The following ENPP6 variants were observed in gnomAD, a reference collection of about 807,000 sequenced individuals.
ENPP6 encodes glycerophosphocholine cholinephosphodiesterase ENPP6.
Under a neutral mutation model 42.0 loss-of-function variants are expected in ENPP6, and 32 were observed. The ratio of observed to expected loss-of-function variants is 0.76; its 90% CI spans 0.58 to 1.02. The LOEUF is 1.02. Ranked by LOEUF, ENPP6 falls within the 50% of genes least tolerant of loss-of-function variation. The probability of loss-of-function intolerance (pLI) is 0.00; values close to 1 mark genes in which losing one functional copy is unlikely to be tolerated. For synonymous variants in ENPP6, 213 were observed against 216.0 expected (o/e 0.99, Z 0.12); for missense variants, 552 against 566.8 (o/e 0.97, Z 0.27).
At chr4:184,160,540 G>A (rs1182441495) in intron 1 of ENPP6, among the ~76,000 whole-genome samples, 5 of 152,052 alleles carry the variant, frequency 3.3e-5, no homozygotes, top group East Asian at 1.9e-4. Flanking sequence ...TCAGTTTTGC[G>A]CATATCTGAA....
At chr4:184,202,268 CAGA>C (rs771969910) in intron 1 of ENPP6, among the ~76,000 whole-genome samples, 1 of 152,226 alleles carries the variant, frequency 6.6e-6, no homozygotes, top group Non-Finnish European at 1.5e-5. Context: ...ACTCAGACTT[CAGA>C]AGATCTTGCA....
chr4:184,217,312 A>G (rs980163134), intron 1 of ENPP6, among the ~76,000 whole-genome samples: 1 of 152,220 alleles, frequency 6.6e-6, no homozygotes, highest in African/African-American at 2.4e-5. Context: ...CACTTTTAAT[A>G]TCGTCAAATA....
rs1376241759 is a variant in ENPP6, at chr4:184,122,084, C to A, written c.533+2077G>T. Among the ~76,000 whole-genome samples the A allele has an allele frequency of 2.0e-5, 3 of 152,140 alleles. No homozygotes were observed. The South Asian group carries it at 6.2e-4, about 31-fold the overall frequency. On this transcript the variant is annotated intron_variant, in intron 3 of 7. Transcript: ENST00000296741. ...GGTCTCCATCTTTCCACCTACTACC[C>A]AAAGGGGCTGTTTCTGGTGGCCCTG... is the stretch of plus-strand genomic sequence containing the variant.
In ENPP6 at chr4:184,152,145, G is replaced by A. The variant is rs145973263; in HGVS notation, c.421+1409C>T. ...CCTTCAGAAGCTCACCTGCGGGTGAGGCCACTGCTCTGCAGCAGCTTGTAC... is the reference window on the plus strand; with the variant it reads ...CCTTCAGAAGCTCACCTGCGGGTGAAGCCACTGCTCTGCAGCAGCTTGTAC... On this transcript the variant is annotated intron_variant, in intron 2 of 7. Coordinates refer to ENST00000296741, the MANE Select transcript of ENPP6 (RefSeq NM_153343.4). Among the ~76,000 whole-genome samples, 177 of 152,300 alleles carry A rather than the reference G, an allele frequency of 1.2e-3. 1 individual carries two copies. The highest frequency in any genetic ancestry group is 4.2e-3 in the African/African-American group (175 of 41,550).
rs1033036243 is a variant in ENPP6, at chr4:184,089,353, T to G, written c.*1824A>C. 2 of 152,206 alleles carry G rather than the reference T, an allele frequency of 1.3e-5. No individual in the cohort carries two copies. The highest frequency in any genetic ancestry group is 2.9e-5 in the Non-Finnish European group (2 of 68,052). 9.4% of individuals were successfully genotyped at this position (152,206 alleles called of 1,614,324 possible). ...TCAAGGTGAACGTTGATATTCAGTT[T>G]TCAAGGTAACACACCATATAAGGCC... is the stretch of plus-strand genomic sequence containing the variant. On this transcript the variant is annotated 3_prime_UTR_variant, in exon 8 of 8. Transcript: ENST00000296741.
chr4:184,214,021 A>G (rs1244966361), intron 1 of ENPP6, among the ~76,000 whole-genome samples: 2 of 134,326 alleles, frequency 1.5e-5, no homozygotes, highest in Admixed American at 7.8e-5. Flanking sequence ...ATTCTCACTC[A>G]TAGGTGGGAA....
intron 2 of ENPP6, among the ~76,000 whole-genome samples, chr4:184,128,268 C>T (rs993744207): frequency 6.6e-6 from 1 of 152,186 alleles, no homozygotes; most frequent in African/African-American, 2.4e-5. Flanking sequence ...GCAACTTCCA[C>T]CTCCCGGGTT....
At chr4:184,107,725 T>C (rs958881830) in intron 6 of ENPP6, among the ~76,000 whole-genome samples, 16 of 151,984 alleles carry the variant, frequency 1.1e-4, no homozygotes, top group Non-Finnish European at 1.8e-4. Flanking sequence ...AACATCCTGG[T>C]TAACACAGTG....
intron 2 of ENPP6, among the ~76,000 whole-genome samples, chr4:184,129,400 TA>T (rs1157120374): frequency 5.5e-4 from 83 of 152,162 alleles, no homozygotes; most frequent in African/African-American, 1.8e-3. Flanking sequence ...TCTGTGTTTT[TA>T]AAAAAATGCT....
At chr4:184,195,690 T>G (rs1732783497) in intron 1 of ENPP6, among the ~76,000 whole-genome samples, 2 of 152,188 alleles carry the variant, frequency 1.3e-5, no homozygotes, top group Non-Finnish European at 2.9e-5. Context: ...CATACAATAT[T>G]TGTCCTTTTG....
At chr4:184,196,699 G>T (rs530009236) in intron 1 of ENPP6, among the ~76,000 whole-genome samples, 1 of 152,224 alleles carries the variant, frequency 6.6e-6, no homozygotes, top group Non-Finnish European at 1.5e-5. Context: ...TGGGAGTAAA[G>T]CTCTTACAGA....
At chr4:184,172,524 TA>T (rs2111093559) in intron 1 of ENPP6, among the ~76,000 whole-genome samples, 1 of 152,092 alleles carries the variant, frequency 6.6e-6, no homozygotes, top group East Asian at 1.9e-4. Flanking sequence ...CTGGCAGCCA[TA>T]GGGGATGAAC....
At chr4:184,181,068 C>A (rs1732544546) in intron 1 of ENPP6, among the ~76,000 whole-genome samples, 1 of 152,158 alleles carries the variant, frequency 6.6e-6, no homozygotes, top group Non-Finnish European at 1.5e-5. Flanking sequence ...GGAAATCAAT[C>A]TGTCTCTGCT....
chr4:184,190,377 T>G (rs1732697246), intron 1 of ENPP6, among the ~76,000 whole-genome samples: 1 of 152,208 alleles, frequency 6.6e-6, no homozygotes, highest in Non-Finnish European at 1.5e-5. Context: ...CTGGTTTGTG[T>G]GTGGACTGTC....
At chr4:184,152,332 C>T (rs113442844) in intron 2 of ENPP6, among the ~76,000 whole-genome samples, 2 of 152,138 alleles carry the variant, frequency 1.3e-5, no homozygotes, top group African/African-American at 4.8e-5. Context: ...TGCTGAAGGC[C>T]CACGCAATCC....
intron 5 of ENPP6, among the ~76,000 whole-genome samples, chr4:184,115,322 G>T (rs1276906210): frequency 1.3e-5 from 2 of 152,170 alleles, no homozygotes; most frequent in Non-Finnish European, 2.9e-5. Context: ...AGTGGGACAA[G>T]CCACAAAGCC....
At chr4:184,179,946 A>G (rs531382591) in intron 1 of ENPP6, among the ~76,000 whole-genome samples, 32 of 152,340 alleles carry the variant, frequency 2.1e-4, no homozygotes, top group Middle Eastern at 6.8e-3. Flanking sequence ...ACAACCTAAC[A>G]TCACAACTAG....
At chr4:184,199,968 C>T (rs1379967646) in intron 1 of ENPP6, among the ~76,000 whole-genome samples, 1 of 152,194 alleles carries the variant, frequency 6.6e-6, no homozygotes. Flanking sequence ...AATGGAGTCA[C>T]TCATGCCAAA....
chr4:184,131,312 C>CCTTCCTTTG (rs1736628930), intron 2 of ENPP6, among the ~76,000 whole-genome samples: 1 of 142,294 alleles, frequency 7.0e-6, no homozygotes, highest in East Asian at 2.0e-4. Flanking sequence ...TCCTTCCTTT[C>CCTTCCTTTG]TCTCTCCTCT....
Sources: allele counts gnomAD v4.1 joint callset (sites outside exome capture counted in the v4.1 genomes callset), GRCh38; gene constraint gnomAD v4.1.1; transcripts MANE v1.5; gene names NCBI Gene and HGNC (gene_info 2026-07-23, HGNC 2026-07-21).